KCNH1: variants seen among roughly 807,000 people sequenced by gnomAD.
The protein encoded by KCNH1 is potassium voltage-gated channel subfamily H member 1, also known as voltage-gated delayed rectifier potassium channel KCNH1.
A neutral mutation model predicts 69.2 loss-of-function variants in KCNH1; 27 were observed. That is an observed-to-expected ratio of 0.39 (90% confidence interval 0.29 to 0.54). The LOEUF (loss-of-function observed/expected upper bound fraction) is 0.54, where lower values mean the gene tolerates loss of function less well. Among genes scored for constraint, KCNH1 ranks in the 20% least tolerant of loss-of-function variants. The pLI is 0.68. For synonymous variants in KCNH1, 456 were observed against 487.7 expected, an observed-to-expected ratio of 0.93 and a Z score of 0.86; for missense variants, 798 against 1,261.6, an observed-to-expected ratio of 0.63 and a Z score of 5.57.
chr1:210,768,588 C>T (rs1777245), intron 10 of KCNH1, among the ~76,000 whole-genome samples: 25,800 of 152,140 alleles, frequency 0.17, 2,274 homozygotes, highest in Non-Finnish European at 0.19. Context: ...TTGGGGTAGG[C>T]GATGTAGATC....
At chr1:210,939,167 C>T (rs1457658992) in intron 6 of KCNH1, among the ~76,000 whole-genome samples, 1 of 152,126 alleles carries the variant, frequency 6.6e-6, no homozygotes, top group Non-Finnish European at 1.5e-5. Context: ...ACAAGCCACA[C>T]ATAATTTTAA....
chr1:210,876,729 C>G (rs971133396), intron 7 of KCNH1, among the ~76,000 whole-genome samples: 1 of 152,028 alleles, frequency 6.6e-6, no homozygotes, highest in Non-Finnish European at 1.5e-5. Context: ...CCTGTTCCTT[C>G]AAGGAGCCAT....
At chr1:210,864,898 C>A (rs1686071542) in intron 7 of KCNH1, among the ~76,000 whole-genome samples, 1 of 152,154 alleles carries the variant, frequency 6.6e-6, no homozygotes, top group Admixed American at 6.5e-5. Flanking sequence ...TCAGCTAGAA[C>A]CTGAAGCTGT....
At chr1:210,955,877 A>G (rs976992289) in intron 6 of KCNH1, among the ~76,000 whole-genome samples, 4 of 152,046 alleles carry the variant, frequency 2.6e-5, no homozygotes, top group Non-Finnish European at 4.4e-5. Context: ...CTCTTTTCCT[A>G]ATTGAATACC....
chr1:210,813,782 C>T lies in KCNH1; in HGVS notation c.1463-9616G>A, dbSNP rs572461375. Among the ~76,000 whole-genome samples, 8 of 152,280 alleles carry T rather than the reference C, an allele frequency of 5.3e-5. 1 individual carries two copies. The highest frequency in any genetic ancestry group is 3.4e-3 in the Middle Eastern group (1 of 294). On this transcript the variant is annotated intron_variant, in intron 7 of 10. Coordinates refer to ENST00000271751, the MANE Select transcript of KCNH1 (RefSeq NM_172362.3). The stretch of plus-strand genomic sequence containing the variant: ...CTCACCCAAATCTCATCTTGAATTG[C>T]AGCTACCATAATTCCCATGTGTTGT...
intron 6 of KCNH1, among the ~76,000 whole-genome samples, chr1:210,930,563 C>T (rs1044036733): frequency 5.3e-5 from 8 of 152,078 alleles, no homozygotes; most frequent in Non-Finnish European, 1.0e-4. Flanking sequence ...AAATCTAAGA[C>T]CCAAAACCAT....
chr1:210,796,608 C>A (rs1460280498), intron 9 of KCNH1, among the ~76,000 whole-genome samples: 1 of 152,144 alleles, frequency 6.6e-6, no homozygotes. Flanking sequence ...GGTGTACCAG[C>A]TTCCCTGTTA....
chr1:210,925,043 G>A (rs1409224870), intron 6 of KCNH1, among the ~76,000 whole-genome samples: 2 of 152,084 alleles, frequency 1.3e-5, no homozygotes, highest in East Asian at 3.8e-4. Context: ...AACTGAAAGA[G>A]GTAACAATTC....
chr1:210,941,004 C>A (rs1687866378), intron 6 of KCNH1, among the ~76,000 whole-genome samples: 1 of 152,194 alleles, frequency 6.6e-6, no homozygotes, highest in African/African-American at 2.4e-5. Flanking sequence ...CAGTGACTTT[C>A]ATGGGGGTTG....
intron 10 of KCNH1, among the ~76,000 whole-genome samples, chr1:210,725,568 CAAG>C (rs1682570961): frequency 6.6e-6 from 1 of 152,224 alleles, no homozygotes; most frequent in East Asian, 1.9e-4. Flanking sequence ...CCCTCTTGGA[CAAG>C]AAGAAGCTTG....
chr1:210,826,905 A>G (rs981720982), intron 7 of KCNH1, among the ~76,000 whole-genome samples: 1 of 152,254 alleles, frequency 6.6e-6, no homozygotes, highest in African/African-American at 2.4e-5. Flanking sequence ...CAAGGCTGCC[A>G]GTGCCTGCGG....
chr1:210,980,817 C>T (rs1048837534), intron 6 of KCNH1, among the ~76,000 whole-genome samples: 3 of 88,312 alleles, frequency 3.4e-5, no homozygotes, highest in African/African-American at 1.6e-4. Context: ...ATGTATTAGA[C>T]AATGTGTGTG....
At chr1:211,098,988 C>A (rs1348453866) in intron 3 of KCNH1, among the ~76,000 whole-genome samples, 3 of 152,140 alleles carry the variant, frequency 2.0e-5, no homozygotes, top group Admixed American at 2.0e-4. Context: ...CAATTCTCAA[C>A]TTCTAGGAAA....
intron 10 of KCNH1, among the ~76,000 whole-genome samples, chr1:210,765,787 T>C (rs79485529): frequency 0.069 from 10,517 of 152,212 alleles, 1,186 homozygotes; most frequent in African/African-American, 0.24. Flanking sequence ...ATAGGCCAGG[T>C]GTGGTGGCTC....
At chr1:210,912,281 C>T (rs999805946) in intron 7 of KCNH1, among the ~76,000 whole-genome samples, 1 of 152,132 alleles carries the variant, frequency 6.6e-6, no homozygotes, top group African/African-American at 2.4e-5. Context: ...ATGTCCTGTC[C>T]CGTGAAGATC....
At chr1:210,860,541 C>T (rs1685955037) in intron 7 of KCNH1, 1 of 859,278 alleles carries the variant, frequency 1.2e-6, no homozygotes, top group Non-Finnish European at 2.0e-6. Context: ...ACTGTTGTGT[C>T]ATTTCTACTG....
At chr1:210,736,447 T>C (rs1682880711) in intron 10 of KCNH1, among the ~76,000 whole-genome samples, 1 of 151,980 alleles carries the variant, frequency 6.6e-6, no homozygotes, top group South Asian at 2.1e-4. Context: ...AGTCAGAGGC[T>C]GAGGCAGGAG....
intron 5 of KCNH1, among the ~76,000 whole-genome samples, chr1:211,063,197 C>G (rs1343671623): frequency 2.0e-5 from 3 of 152,112 alleles, no homozygotes; most frequent in Non-Finnish European, 2.9e-5. Flanking sequence ...TGAAATAAGT[C>G]AAGCGCAGAA....
At chr1:210,831,696 C>T (rs1685164557) in intron 7 of KCNH1, among the ~76,000 whole-genome samples, 1 of 152,202 alleles carries the variant, frequency 6.6e-6, no homozygotes, top group South Asian at 2.1e-4. Flanking sequence ...AGCCTTCTAA[C>T]TCTGCTTCCT....
Sources: gnomAD v4.1 joint callset for allele counts (sites outside exome capture counted in the v4.1 genomes callset) on GRCh38, gnomAD v4.1.1 for gene constraint, MANE v1.5 for transcripts, NCBI Gene and HGNC (gene_info 2026-07-23, HGNC 2026-07-21) for gene names.